Variants in ANKRD44 observed in about 807,000 individuals in gnomAD.
ANKRD44 encodes the protein ankyrin repeat domain 44.
A neutral mutation model predicts 116.0 loss-of-function variants in ANKRD44; 35 were observed. That is an observed-to-expected ratio of 0.30 (90% CI 0.23 to 0.40). The LOEUF is 0.40. Among genes scored for constraint, ANKRD44 ranks in the 10% least tolerant of loss-of-function variants. The pLI is 1.00. For missense variants in ANKRD44, 1,014 were observed against 1,242.6 expected (o/e 0.82, Z 2.77); for synonymous variants, 435 against 461.8 (o/e 0.94, Z 0.74).
rs72926677 is a variant in ANKRD44 at position 197,185,468 on chromosome 2, T to C, written c.111+1555A>G. Among the ~76,000 whole-genome samples the C allele has an allele frequency of 5.7e-3, 861 of 152,370 alleles. 6 individuals carry two copies. Among genetic ancestry groups the C allele is most frequent in the Non-Finnish European group, 9.8e-3 (666 of 68,034 alleles). On this transcript the variant is annotated intron_variant, in intron 2 of 27. Transcript: ENST00000282272. Reference sequence around the variant, plus strand: ...CACTGAAGATGTAGTTGACAACTTCTGTTTCTACTTAACACTAGAGACTTT... The same window carrying C: ...CACTGAAGATGTAGTTGACAACTTCCGTTTCTACTTAACACTAGAGACTTT...
At chr2:197,069,019 T>C (rs1182607159) in intron 16 of ANKRD44, among the ~76,000 whole-genome samples, 1 of 152,188 alleles carries the variant, frequency 6.6e-6, no homozygotes, top group East Asian at 1.9e-4. Context: ...TGTGGCACTA[T>C]GCACAACAGC....
chr2:197,001,901 T>C, intron 21 of ANKRD44, 61 bp from the exon 22 acceptor site: 1 of 1,251,618 alleles, frequency 8.0e-7, no homozygotes, highest in Non-Finnish European at 1.1e-6. Flanking sequence ...CAACCCAATC[T>C]GCTTTTTCAT....
At chr2:197,207,979 A>G (rs917859264) in intron 1 of ANKRD44, among the ~76,000 whole-genome samples, 5 of 152,190 alleles carry the variant, frequency 3.3e-5, no homozygotes, top group African/African-American at 1.2e-4. Flanking sequence ...GGCGACACCA[A>G]ATGGTGACAG....
rs147248627 is a variant in ANKRD44, at chr2:197,219,775, G to A, written c.28-32669C>T. ...ATTTTTATATTTGTAATAGGAGAAC[G>A]CACCAGGATGCAAAGGAAGCTCAAA... On this transcript the variant is annotated intron_variant, in intron 1 of 27. Transcript: ENST00000282272. 5.4e-3 allele frequency among the ~76,000 whole-genome samples: 820 copies of A among 151,938 alleles called. 7 individuals are homozygous for A. Among genetic ancestry groups the A allele is most frequent in the African/African-American group, 0.019 (768 of 41,416 alleles).
chr2:197,272,282 A>C (rs2082918312), intron 1 of ANKRD44, among the ~76,000 whole-genome samples: 1 of 152,186 alleles, frequency 6.6e-6, no homozygotes, highest in African/African-American at 2.4e-5. Context: ...TCTGTCACCC[A>C]GGCTGGAGTG....
At chr2:197,155,009 C>T (rs574948256) in intron 2 of ANKRD44, among the ~76,000 whole-genome samples, 19 of 152,008 alleles carry the variant, frequency 1.2e-4, no homozygotes, top group South Asian at 2.1e-4. Context: ...ACTCCTGAAA[C>T]GAAGAATCAC....
intron 1 of ANKRD44, among the ~76,000 whole-genome samples, chr2:197,219,695 G>T (rs552199990): frequency 4.6e-5 from 7 of 152,090 alleles, no homozygotes; most frequent in African/African-American, 1.7e-4. Flanking sequence ...GCAAAGTGCA[G>T]GAAAAATAAT....
chr2:197,069,457 A>T (rs1226009781), intron 16 of ANKRD44, among the ~76,000 whole-genome samples: 2 of 152,170 alleles, frequency 1.3e-5, no homozygotes, highest in Non-Finnish European at 2.9e-5. Context: ...ATAAAAAAAA[A>T]TTGACCTTCT....
At chr2:197,285,066 G>A (rs1039297241) in intron 1 of ANKRD44, among the ~76,000 whole-genome samples, 1 of 151,668 alleles carries the variant, frequency 6.6e-6, no homozygotes, top group South Asian at 2.1e-4. Context: ...CTCCCTAAAA[G>A]ATGTTCCCTT....
chr2:197,216,869 A>AACACACACAC (rs61641385), intron 1 of ANKRD44, among the ~76,000 whole-genome samples: 27,007 of 139,566 alleles, frequency 0.19, 2,862 homozygotes, highest in Middle Eastern at 0.28. Flanking sequence ...ACATTGGTTA[A>AACACACACAC]ACACACACAC....
intron 16 of ANKRD44, 141 bp from the exon 17 acceptor site, chr2:197,025,408 C>A (rs1559000014): frequency 1.7e-6 from 1 of 580,132 alleles, no homozygotes; most frequent in Non-Finnish European, 3.1e-6. Context: ...ATATCTAAAA[C>A]AAATATGCTA....
At chr2:197,256,924 A>G (rs148260307) in intron 1 of ANKRD44, among the ~76,000 whole-genome samples, 15 of 152,316 alleles carry the variant, frequency 9.8e-5, no homozygotes, top group African/African-American at 3.4e-4. Flanking sequence ...CAAGTCTATA[A>G]AGAGAGAGGA....
chr2:197,021,227 T>A (rs961483942), intron 17 of ANKRD44, among the ~76,000 whole-genome samples: 1 of 152,252 alleles, frequency 6.6e-6, no homozygotes, highest in African/African-American at 2.4e-5. Context: ...TTCCAAGTCT[T>A]TGCTATTGTA....
Position 196,987,305 on chromosome 2 carries a change from A to C in ANKRD44, c.*2286T>G, listed in dbSNP as rs2075849291. 7.1e-6 allele frequency: 7 copies of C among 985,342 alleles called. No individual in the cohort carries two copies. The highest frequency in any genetic ancestry group is 8.4e-6 in the Non-Finnish European group (7 of 829,818). 61.0% of individuals were successfully genotyped at this position (985,342 alleles called of 1,614,324 possible). ...GGGGAAATAGGAAAAAAGACACTTT[A>C]TACATTCAAAGAAAAGTTGAAATGA... On this transcript the variant is annotated 3_prime_UTR_variant, in exon 28 of 28. Transcript: ENST00000282272.
chr2:197,023,761 G>T (rs1444345134), intron 17 of ANKRD44, among the ~76,000 whole-genome samples: 1 of 152,164 alleles, frequency 6.6e-6, no homozygotes, highest in East Asian at 1.9e-4. Context: ...CAGCTTTGGG[G>T]TAACTTCCCC....
chr2:197,023,840 T>C (rs534331976), intron 17 of ANKRD44, among the ~76,000 whole-genome samples: 35 of 152,342 alleles, frequency 2.3e-4, no homozygotes, highest in Non-Finnish European at 4.1e-4. Flanking sequence ...GGCATGAAGA[T>C]TTATATGTAT....
At chr2:197,051,565 C>T (rs1344288113) in intron 16 of ANKRD44, among the ~76,000 whole-genome samples, 2 of 152,132 alleles carry the variant, frequency 1.3e-5, no homozygotes, top group Non-Finnish European at 2.9e-5. Context: ...ACACACCCAG[C>T]TTATTTTTTA....
intron 1 of ANKRD44, among the ~76,000 whole-genome samples, chr2:197,293,618 G>A (rs1156383982): frequency 1.3e-5 from 2 of 152,148 alleles, no homozygotes; most frequent in Non-Finnish European, 2.9e-5. Context: ...GAGGAATTTT[G>A]GGGATGAGGG....
rs2075868799 is a variant in ANKRD44, at chr2:196,988,793, C to T, written c.*798G>A. 1 of 985,380 alleles carries T rather than the reference C, an allele frequency of 1.0e-6. No individual in the cohort carries two copies. The highest frequency in any genetic ancestry group is 1.2e-6 in the Non-Finnish European group (1 of 829,932). 61.0% of individuals were successfully genotyped at this position (985,380 alleles called of 1,614,324 possible). A position where few individuals can be genotyped will look rare whatever the true frequency, so the allele number is the denominator to read the frequency against. On this transcript the variant is annotated 3_prime_UTR_variant, in exon 28 of 28. Transcript: ENST00000282272. ...CTTGAGCTGGTGATTTTTATTTCTCCTTTTGGCACATGTGCCCACACACTG... is the reference window on the plus strand; with the variant it reads ...CTTGAGCTGGTGATTTTTATTTCTCTTTTTGGCACATGTGCCCACACACTG...
Sources: gnomAD v4.1 joint callset for allele counts (sites outside exome capture counted in the v4.1 genomes callset) on GRCh38, gnomAD v4.1.1 for gene constraint, MANE v1.5 for transcripts, NCBI Gene and HGNC (gene_info 2026-07-23, HGNC 2026-07-21) for gene names.